UQCC5: variants seen among roughly 807,000 people sequenced by gnomAD.
UQCC5 encodes ubiquinol-cytochrome c reductase complex assembly factor 5.
At chr3:52,538,199 G>A in the UQCC5 span, among the ~76,000 whole-genome samples, 1 of 152,334 alleles carries the variant, frequency 6.6e-6, no homozygotes, top group African/African-American at 2.4e-5. Context: ...CAGCCCAGAG[G>A]TAGTACTGAC....
At chr3:52,536,927 C>T in the UQCC5 span, 2 of 1,550,934 alleles carry the variant, frequency 1.3e-6, no homozygotes, top group East Asian at 2.4e-5. Flanking sequence ...GGGTAGCAGT[C>T]TCTGTTTCCT....
chr3:52,541,306 C>T, the UQCC5 span: 1 of 152,042 alleles, frequency 6.6e-6, no homozygotes, highest in East Asian at 1.9e-4. Flanking sequence ...CTTGCATAGC[C>T]ACATCTAACA....
the UQCC5 span, among the ~76,000 whole-genome samples, chr3:52,538,105 C>T: frequency 2.6e-5 from 4 of 152,116 alleles, no homozygotes; most frequent in East Asian, 1.9e-4. Context: ...GGAACAGTTA[C>T]GCTGTATGGC....
At chr3:52,541,017 C>G in the UQCC5 span, 1 of 152,380 alleles carries the variant, frequency 6.6e-6, no homozygotes, top group African/African-American at 2.4e-5. Flanking sequence ...TTCTTGTGAA[C>G]AGAAATATGC....
chr3:52,537,827 T>G, the UQCC5 span, among the ~76,000 whole-genome samples: 681 of 151,710 alleles, frequency 4.5e-3, 10 homozygotes, highest in African/African-American at 0.016. Context: ...CCAAGTAAAG[T>G]AGGACCTGAA....
At chr3:52,539,394 G>C in the UQCC5 span, among the ~76,000 whole-genome samples, 1 of 152,188 alleles carries the variant, frequency 6.6e-6, no homozygotes, top group Non-Finnish European at 1.5e-5. Context: ...GAAAGGTAAC[G>C]GGGGTTGTGG....
At chr3:52,536,879 A>T in the UQCC5 span, 1 of 1,551,636 alleles carries the variant, frequency 6.4e-7, no homozygotes, top group Non-Finnish European at 8.7e-7. Context: ...GATCATGATT[A>T]AAGTGCGCGT....
At chr3:52,537,251 A>G in the UQCC5 span, among the ~76,000 whole-genome samples, 1 of 152,004 alleles carries the variant, frequency 6.6e-6, no homozygotes, top group Non-Finnish European at 1.5e-5. Context: ...GGTCAGGGAA[A>G]CTCCTGCTAA....
chr3:52,541,342 A>C, the UQCC5 span: 1 of 152,194 alleles, frequency 6.6e-6, no homozygotes, highest in Non-Finnish European at 1.5e-5. Flanking sequence ...AAAAATCTAC[A>C]TACTAAAGAC....
the UQCC5 span, among the ~76,000 whole-genome samples, chr3:52,538,802 G>A: frequency 1.4e-4 from 20 of 146,580 alleles, no homozygotes; most frequent in African/African-American, 4.9e-4. Flanking sequence ...TGGCCAGAAA[G>A]GCAAGGAGGG....
chr3:52,540,710 A>AAAAC, the UQCC5 span: 1 of 425,624 alleles, frequency 2.3e-6, no homozygotes, highest in Non-Finnish European at 4.1e-6. Context: ...ATTTCCTCCT[A>AAAAC]AAACACTCAC....
chr3:52,536,630 G>A, the UQCC5 span: 1 of 1,477,684 alleles, frequency 6.8e-7, no homozygotes, highest in African/African-American at 1.4e-5. Context: ...AGACAGTGGC[G>A]GAGGACGGCG....
the UQCC5 span, among the ~76,000 whole-genome samples, chr3:52,538,040 A>G: frequency 0.49 from 75,250 of 152,028 alleles, 18,902 homozygotes; most frequent in Admixed American, 0.55. Flanking sequence ...GGATTGAGTC[A>G]TTTTAGGGAG....
chr3:52,540,935 A>G, the UQCC5 span: 2 of 153,426 alleles, frequency 1.3e-5, no homozygotes, highest in South Asian at 2.0e-4. Context: ...TATTTCTGCC[A>G]GCTACTAGAC....
the UQCC5 span, chr3:52,540,284 G>T: frequency 1.6e-6 from 1 of 627,458 alleles, no homozygotes. Flanking sequence ...TTTGTTTTAA[G>T]TTTATTTTGG....
chr3:52,536,752 G>A, the UQCC5 span: 1 of 1,551,792 alleles, frequency 6.4e-7, no homozygotes, highest in Non-Finnish European at 8.7e-7. Flanking sequence ...GACCTCGGTC[G>A]AGCATGTTCA....
chr3:52,536,614 C>T, the UQCC5 span: 1 of 1,463,994 alleles, frequency 6.8e-7, no homozygotes, highest in Non-Finnish European at 9.0e-7. Flanking sequence ...CACTCGTGCG[C>T]CTACCAGACA....
the UQCC5 span, among the ~76,000 whole-genome samples, chr3:52,540,272 G>A: frequency 2.6e-5 from 4 of 152,190 alleles, no homozygotes; most frequent in African/African-American, 9.7e-5. Flanking sequence ...TCTAACTCAA[G>A]TTTTGTTTTA....
the UQCC5 span, chr3:52,540,368 T>C: frequency 3.2e-6 from 4 of 1,266,064 alleles, no homozygotes; most frequent in Non-Finnish European, 4.4e-6. Context: ...TTATTCAGAT[T>C]GTTTTAATTT....
Sources: gnomAD v4.1 joint callset for allele counts (sites outside exome capture counted in the v4.1 genomes callset) on GRCh38, gnomAD v4.1.1 for gene constraint, MANE v1.5 for transcripts, NCBI Gene and HGNC (gene_info 2026-07-23, HGNC 2026-07-21) for gene names.